AGTPBP1: variants seen among roughly 807,000 people sequenced by gnomAD.
AGTPBP1 encodes cytosolic carboxypeptidase 1.
Under a neutral mutation model 143.9 loss-of-function variants are expected in AGTPBP1, and 70 were observed. The observed-to-expected ratio is 0.49, with a 90% CI of 0.40 to 0.59. The LOEUF is 0.59. Among genes scored for constraint, AGTPBP1 ranks in the 20% least tolerant of loss-of-function variants. AGTPBP1 has a pLI of 0.00. For synonymous variants in AGTPBP1, 463 were observed against 500.2 expected (o/e 0.93, Z 0.99); for missense variants, 1,229 against 1,464.5 (o/e 0.84, Z 2.62).
chr9:85,652,242 G>C (rs1363949512), intron 11 of AGTPBP1, among the ~76,000 whole-genome samples: 1 of 152,150 alleles, frequency 6.6e-6, no homozygotes, highest in Admixed American at 6.5e-5. Flanking sequence ...CGGGTGCAGT[G>C]GCTCACGCCT....
chr9:85,630,463 A>C (rs748541867), intron 14 of AGTPBP1, among the ~76,000 whole-genome samples: 1 of 43,300 alleles, frequency 2.3e-5, no homozygotes, highest in Non-Finnish European at 3.9e-5. Flanking sequence ...CAGTGGCACG[A>C]TTGATTGATT....
chr9:85,552,252 G>T (rs1322985418), intron 25 of AGTPBP1, among the ~76,000 whole-genome samples: 3 of 152,154 alleles, frequency 2.0e-5, no homozygotes, highest in South Asian at 2.1e-4. Flanking sequence ...TGCAGAAAAG[G>T]TTTATAATTC....
chr9:85,630,470 G>T (rs1389758841), intron 14 of AGTPBP1, among the ~76,000 whole-genome samples: 15 of 91,044 alleles, frequency 1.6e-4, no homozygotes, highest in Non-Finnish European at 2.7e-4. Context: ...ACGATTGATT[G>T]ATTGATTGAT....
intron 8 of AGTPBP1, among the ~76,000 whole-genome samples, chr9:85,668,987 G>A (rs890620025): frequency 5.8e-5 from 5 of 86,036 alleles, no homozygotes; most frequent in Admixed American, 2.6e-4. Context: ...GTGTGTGTGT[G>A]TGTGTGTGTG....
intron 17 of AGTPBP1, among the ~76,000 whole-genome samples, chr9:85,617,481 T>G (rs189531958): frequency 6.6e-6 from 1 of 152,204 alleles, no homozygotes; most frequent in South Asian, 2.1e-4. Flanking sequence ...CATACAAGTA[T>G]GTCATTTTCC....
At chr9:85,592,469 T>C (rs906355789) in intron 19 of AGTPBP1, 91 bp downstream of exon 19, 4 of 857,344 alleles carry the variant, frequency 4.7e-6, no homozygotes, top group Non-Finnish European at 6.8e-6. Context: ...ATTATTATCA[T>C]TATCCTTATG....
intron 1 of AGTPBP1, among the ~76,000 whole-genome samples, chr9:85,736,628 T>A (rs533433271): frequency 7.9e-5 from 12 of 152,258 alleles, no homozygotes; most frequent in African/African-American, 2.9e-4. Flanking sequence ...ATCAAACGTT[T>A]GTGAGAAAGC....
At chr9:85,613,295 GA>G (rs201539206) in intron 17 of AGTPBP1, among the ~76,000 whole-genome samples, 1 of 148,006 alleles carries the variant, frequency 6.8e-6, no homozygotes, top group African/African-American at 2.5e-5. Flanking sequence ...GTTAGAAAAA[GA>G]AAAAAAAATC....
chr9:85,669,625 C>A, intron 7 of AGTPBP1, 47 bp from the exon 8 acceptor site: 1 of 1,332,146 alleles, frequency 7.5e-7, no homozygotes, highest in Non-Finnish European at 1.1e-6. Flanking sequence ...GGTTTGACAA[C>A]CAAAAATGTG....
At chr9:85,679,659 C>T (rs1273279446) in intron 4 of AGTPBP1, among the ~76,000 whole-genome samples, 1 of 152,180 alleles carries the variant, frequency 6.6e-6, no homozygotes, top group East Asian at 1.9e-4. Context: ...CTGCCCATCT[C>T]GGCCTCCCAA....
the AGTPBP1 span, among the ~76,000 whole-genome samples, chr9:85,748,390 A>C: frequency 6.6e-6 from 1 of 152,090 alleles, no homozygotes; most frequent in Non-Finnish European, 1.5e-5. Flanking sequence ...GCCCTCTTCT[A>C]TACTCTATCC....
intron 2 of AGTPBP1, among the ~76,000 whole-genome samples, chr9:85,707,300 C>T (rs1372213245): frequency 6.6e-6 from 1 of 152,016 alleles, no homozygotes; most frequent in Non-Finnish European, 1.5e-5. Flanking sequence ...ATCTTTCAAA[C>T]CAATGACCTT....
chr9:85,655,388 T>C (rs1258914974), intron 10 of AGTPBP1, 68 bp from the exon 11 acceptor site: 2 of 1,312,064 alleles, frequency 1.5e-6, no homozygotes, highest in Non-Finnish European at 2.0e-6. Context: ...TTTACTTTAG[T>C]TCAAAAAGTG....
intron 14 of AGTPBP1, among the ~76,000 whole-genome samples, chr9:85,630,366 C>G (rs986719033): frequency 1.3e-5 from 2 of 149,110 alleles, no homozygotes; most frequent in East Asian, 1.9e-4. Context: ...TACTTACTTA[C>G]AGGATTGACT....
intron 1 of AGTPBP1, among the ~76,000 whole-genome samples, chr9:85,715,331 C>T (rs904208680): frequency 6.6e-6 from 1 of 151,640 alleles, no homozygotes; most frequent in Non-Finnish European, 1.5e-5. Flanking sequence ...TATGTTTAAA[C>T]CTAGTGACAA....
At chr9:85,761,446 G>A in the AGTPBP1 span, among the ~76,000 whole-genome samples, 2,780 of 152,138 alleles carry the variant, frequency 0.018, 98 homozygotes, top group African/African-American at 0.063. Context: ...ATGGAACAGA[G>A]CAGAGCCCTC....
At chr9:85,643,249 T>C (rs74972013) in intron 12 of AGTPBP1, among the ~76,000 whole-genome samples, 3,204 of 152,176 alleles carry the variant, frequency 0.021, 130 homozygotes, top group African/African-American at 0.072. Context: ...CATACATATA[T>C]ATGATGATGG....
chr9:85,642,415 G>A (rs1424998943), intron 13 of AGTPBP1, among the ~76,000 whole-genome samples: 4 of 150,758 alleles, frequency 2.7e-5, no homozygotes, highest in African/African-American at 7.3e-5. Context: ...TGCAACCTCC[G>A]CCTCCCAGGT....
At chr9:85,787,141 T>C in the AGTPBP1 span, among the ~76,000 whole-genome samples, 7,948 of 152,262 alleles carry the variant, frequency 0.052, 727 homozygotes, top group African/African-American at 0.18. Flanking sequence ...TTTTTAAACA[T>C]GCTCACTGTT....
Sources: allele counts gnomAD v4.1 joint callset (sites outside exome capture counted in the v4.1 genomes callset), GRCh38; gene constraint gnomAD v4.1.1; transcripts MANE v1.5; gene names NCBI Gene and HGNC (gene_info 2026-07-23, HGNC 2026-07-21).